SLC6A13: variants seen among roughly 807,000 people sequenced by gnomAD.
SLC6A13 encodes solute carrier family 6 member 13.
Under a neutral mutation model 72.9 loss-of-function variants are expected in SLC6A13, and 69 were observed. That is an observed-to-expected ratio of 0.95 (90% CI 0.78 to 1.16). The LOEUF (loss-of-function observed/expected upper bound fraction) is 1.16. Ranked by LOEUF, SLC6A13 falls within the 50% of genes most tolerant of loss-of-function variation. The pLI, the probability that SLC6A13 is intolerant of heterozygous loss-of-function variation, is 0.00. For missense variants in SLC6A13, 735 were observed against 760.5 expected, an observed-to-expected ratio of 0.97 and a Z score of 0.39; for synonymous variants, 303 against 303.0, an observed-to-expected ratio of 1.00 and a Z score of 0.00.
At position 224,080 on chromosome 12, in the gene SLC6A13, T is replaced by C; in HGVS notation, c.1223A>G (p.His408Arg). The change falls in exon 11 of 15, where the codon CAC becomes CGC. Residue 408 changes from histidine (H) to arginine (R), a missense_variant. Transcript: ENST00000343164. ...LVTALVDMYP[H>R]VFRKKNRREV... ...CCTCCGGTTCTTCTTGCGGAACACG[T>C]GAGGGTACATGTCCACCAGCGCTGT... 6.2e-7 allele frequency: 1 copy of C among 1,614,086 alleles called. No homozygotes were observed. The highest frequency in any genetic ancestry group is 8.5e-7 in the Non-Finnish European group (1 of 1,179,998).
intron 2 of SLC6A13, among the ~76,000 whole-genome samples, chr12:251,235 A>C (rs1942537406): frequency 6.6e-6 from 1 of 152,184 alleles, no homozygotes; most frequent in African/African-American, 2.4e-5. Flanking sequence ...ATTATCCTCA[A>C]GCACAGTAAT....
intron 4 of SLC6A13, among the ~76,000 whole-genome samples, chr12:241,083 A>T (rs191824056): frequency 2.2e-4 from 33 of 152,262 alleles, no homozygotes; most frequent in Admixed American, 4.6e-4. Context: ...AGGCAGGTGG[A>T]TCACAAGGTC....
intron 7 of SLC6A13, among the ~76,000 whole-genome samples, chr12:230,405 A>C (rs916527987): frequency 2.6e-5 from 4 of 152,194 alleles, no homozygotes; most frequent in Admixed American, 1.3e-4. Flanking sequence ...CACAGCTTTG[A>C]AGTTACATTA....
intron 7 of SLC6A13, among the ~76,000 whole-genome samples, chr12:227,926 C>A (rs1436739139): frequency 1.3e-5 from 2 of 152,122 alleles, no homozygotes; most frequent in Non-Finnish European, 2.9e-5. Context: ...ACTAAAAGAC[C>A]CATGGTGGAA....
At chr12:255,006 A>G (rs1942690849) in intron 2 of SLC6A13, among the ~76,000 whole-genome samples, 1 of 152,000 alleles carries the variant, frequency 6.6e-6, no homozygotes, top group African/African-American at 2.4e-5. Context: ...CAACAACAAA[A>G]CAAAACACAA....
rs779328529 is a variant in SLC6A13, at chr12:242,752, T to C, written c.340A>G (p.Ile114Val). ...WRKICPIFEGIGYASQMIVIL... is the reference protein window; with the variant it reads ...WRKICPIFEGVGYASQMIVIL... ...ACGATCATCTGGGAGGCATAGCCAA[T>C]GCCTGCGGGGAAACTGCAGAATTGG... Residue 114 changes from isoleucine (I) to valine (V), a missense_variant and splice_region_variant, in exon 4 of 15, where the codon ATT becomes GTT. Transcript: ENST00000343164. 6 of 1,579,894 alleles carry C rather than the reference T, an allele frequency of 3.8e-6. No homozygotes were observed. The highest frequency in any genetic ancestry group is 5.2e-6 in the Non-Finnish European group (6 of 1,162,214).
At chr12:232,429 C>T (rs1328045926) in intron 7 of SLC6A13, among the ~76,000 whole-genome samples, 3 of 152,230 alleles carry the variant, frequency 2.0e-5, no homozygotes, top group East Asian at 1.9e-4. Flanking sequence ...AACTCCTGCT[C>T]GCCACCTACC....
At chr12:223,337 T>C (rs969630540) in intron 11 of SLC6A13, 103 bp from the exon 12 acceptor site, 3 of 636,294 alleles carry the variant, frequency 4.7e-6, no homozygotes, top group African/African-American at 3.7e-5. Flanking sequence ...CAGAGCAGAG[T>C]TGGTGAGGAT....
At position 223,159 on chromosome 12, in the gene SLC6A13, CG is replaced by C. The variant is rs775931970; in HGVS notation, c.1386del (p.Phe462LeufsTer22). On this transcript the variant is annotated frameshift_variant, in exon 12 of 15. Transcript: ENST00000343164. LOFTEE classifies it high-confidence loss of function. ...TAAACCCAAGCCACACAGAGGGACT[CG>C]AAGATGGCCACGAACAGGAGGCACA... ...SGMCLLFVAI[F>X]ESLCVAWVYG... 7.4e-6 allele frequency: 12 copies of C among 1,613,482 alleles called. No homozygotes were observed. In the South Asian group the frequency reaches 1.2e-4, roughly 16 times the overall value.
chr12:227,407 T>C (rs1941505440), intron 8 of SLC6A13, 158 bp downstream of exon 8: 1 of 859,714 alleles, frequency 1.2e-6, no homozygotes, highest in South Asian at 5.3e-5. Flanking sequence ...AGTTGGCTCC[T>C]TGCAGCTCCT....
chr12:235,199 G>C lies in SLC6A13; in HGVS notation c.722C>G (p.Pro241Arg), dbSNP rs774893889. Reference protein sequence around the residue: ...GKVVYFTATFPYLMLVVLLIR... With the variant: ...GKVVYFTATFRYLMLVVLLIR... ...TAACAGGACCACCAGCATGAGGTAA[G>C]GAAATGTGGCCGTGAAGTACACCAC... The change falls in exon 7 of 15, where the codon CCT (proline) becomes CGT (arginine). Residue 241 changes from proline (P) to arginine (R), a missense_variant. Pro to Arg is a moderately radical substitution (Grantham distance 103). Transcript: ENST00000343164. The C allele has an allele frequency of 5.0e-6, 8 of 1,614,106 alleles. No individual in the cohort carries two copies. The highest frequency in any genetic ancestry group is 3.3e-5 in the Admixed American group (2 of 60,004).
At chr12:223,111 C>G (rs1296649860) in intron 12 of SLC6A13, 21 bp downstream of exon 12, 4 of 1,471,306 alleles carry the variant, frequency 2.7e-6, no homozygotes, top group Non-Finnish European at 3.8e-6. Flanking sequence ...GATGCTGGGA[C>G]CTAGGGGAGG....
In SLC6A13 at chr12:220,947, C is replaced by A. The variant is rs147958779; in HGVS notation, c.*1G>T. On this transcript the variant is annotated 3_prime_UTR_variant, in exon 15 of 15. Coordinates refer to ENST00000343164, the MANE Select transcript of SLC6A13 (RefSeq NM_016615.5). ...ACAGGCACCATCCAAGGGCCTGCCC[C>A]CTAGCAGTGAGACTCTAGCTCTGTG... 1 of 1,612,314 alleles carries A rather than the reference C, an allele frequency of 6.2e-7. No homozygotes were observed. Among genetic ancestry groups the A allele is most frequent in the South Asian group, 1.1e-5 (1 of 91,022 alleles).
In SLC6A13 at chr12:238,525, G is replaced by A. The variant is rs556424449; in HGVS notation, c.479-515C>T. 1.2e-4 allele frequency among the ~76,000 whole-genome samples: 19 copies of A among 152,314 alleles called. No individual in the cohort carries two copies. In the South Asian group the frequency reaches 3.9e-3, roughly 32 times the overall value. The stretch of plus-strand genomic sequence containing the variant: ...TGCAGACAGTAAGATCCATTACGTA[G>A]GATTGATAAGAAATTAAATGAAAAC... On this transcript the variant is annotated intron_variant, in intron 4 of 14. Coordinates refer to ENST00000343164, the MANE Select transcript of SLC6A13 (RefSeq NM_016615.5).
intron 3 of SLC6A13, among the ~76,000 whole-genome samples, chr12:243,040 G>A (rs953866729): frequency 6.8e-6 from 1 of 147,110 alleles, no homozygotes; most frequent in Non-Finnish European, 1.5e-5. Flanking sequence ...ATGGAGTTTT[G>A]CTCTTGTCAC....
intron 7 of SLC6A13, among the ~76,000 whole-genome samples, chr12:228,878 G>A (rs534123231): frequency 1.8e-4 from 28 of 152,280 alleles, no homozygotes; most frequent in Middle Eastern, 3.4e-3. Flanking sequence ...ATGCTTTTCC[G>A]AGCTTCCTGG....
intron 2 of SLC6A13, 81 bp downstream of exon 2, chr12:259,770 C>A: frequency 6.2e-7 from 1 of 1,613,978 alleles, no homozygotes. Flanking sequence ...TATGGGACTC[C>A]CCAGAGGGGC....
In SLC6A13 at chr12:220,830, C is replaced by G. The variant is rs909902775; in HGVS notation, c.*118G>C. ...TCAGCAGGTGGACTCCAAAATACCCCTCTTGTCTTATCCACTCCAGGTCGG... is the reference window on the plus strand; with the variant it reads ...TCAGCAGGTGGACTCCAAAATACCCGTCTTGTCTTATCCACTCCAGGTCGG... On this transcript the variant is annotated 3_prime_UTR_variant, in exon 15 of 15. Coordinates refer to ENST00000343164, the MANE Select transcript of SLC6A13 (RefSeq NM_016615.5). 6 of 1,320,106 alleles carry G rather than the reference C, an allele frequency of 4.5e-6. No homozygotes were observed. The African/African-American group carries it at 5.8e-5, about 13-fold the overall frequency. 81.8% of individuals were successfully genotyped at this position (1,320,106 alleles called of 1,614,324 possible). A position where few individuals can be genotyped will look rare whatever the true frequency, so the allele number is the denominator to read the frequency against.
At chr12:226,352 C>T in intron 9 of SLC6A13, 38 bp downstream of exon 9, 1 of 1,612,470 alleles carries the variant, frequency 6.2e-7, no homozygotes, top group East Asian at 2.2e-5. Context: ...AGGTTTGAAC[C>T]AGGCTCACTG....
Sources: allele counts gnomAD v4.1 joint callset (sites outside exome capture counted in the v4.1 genomes callset), GRCh38; gene constraint gnomAD v4.1.1; transcripts MANE v1.5; gene names NCBI Gene and HGNC (gene_info 2026-07-23, HGNC 2026-07-21).